The following NTHL1 variants were observed in gnomAD, a reference collection of about 807,000 sequenced individuals.
The protein encoded by NTHL1 is endonuclease III-like protein 1.
Under a neutral mutation model 32.3 loss-of-function variants are expected in NTHL1, and 32 were observed. The ratio of observed to expected loss-of-function variants is 0.99; its 90% CI spans 0.75 to 1.33. The LOEUF (loss-of-function observed/expected upper bound fraction) is 1.33. Among genes scored for constraint, NTHL1 ranks in the 40% most tolerant of loss-of-function variants. NTHL1 has a pLI of 0.00. For synonymous variants in NTHL1, 188 were observed against 176.9 expected (o/e 1.06, Z -0.50); for missense variants, 501 against 414.1 (o/e 1.21, Z -1.82).
In NTHL1 at chr16:2,046,294, G is replaced by A. The variant is rs746458904; in HGVS notation, c.188C>T (p.Ser63Leu). The change falls in exon 2 of 6, where the codon TCG (serine) becomes TTG (leucine). Residue 63 changes from serine to leucine, a missense_variant. Transcript: ENST00000651570. ...AQRLRVAYEG[S>L]DSEKGEGAEP... ...AGCCCCCTCACCTTTCTCACTGTCCGAGCCCTCATAGGCCACACGCAGTCT... is the reference window on the plus strand; with the variant it reads ...AGCCCCCTCACCTTTCTCACTGTCCAAGCCCTCATAGGCCACACGCAGTCT... 53 of 1,613,032 alleles carry A rather than the reference G, an allele frequency of 3.3e-5. No individual in the cohort carries two copies. Among genetic ancestry groups the A allele is most frequent in the African/African-American group, 4.0e-5 (3 of 74,938 alleles).
At chr16:2,041,887 C>T (rs1004255638) in intron 4 of NTHL1, 28 of 373,330 alleles carry the variant, frequency 7.5e-5, no homozygotes, top group African/African-American at 4.0e-4. Flanking sequence ...GGATTACAGG[C>T]GTGAGCCACC....
intron 4 of NTHL1, chr16:2,040,514 C>T: frequency 1.8e-6 from 1 of 543,168 alleles, no homozygotes; most frequent in Non-Finnish European, 3.3e-6. Flanking sequence ...AACACTGGTG[C>T]TAGTTGGATG....
intron 2 of NTHL1, among the ~76,000 whole-genome samples, chr16:2,045,313 G>C (rs2084329921): frequency 6.6e-6 from 1 of 151,996 alleles, no homozygotes; most frequent in South Asian, 2.1e-4. Flanking sequence ...CTCCAGCCTG[G>C]GCAACAAGAG....
chr16:2,044,487 C>A lies in NTHL1; in HGVS notation c.525+143G>T. On this transcript the variant is annotated intron_variant, in intron 3 of 5. Coordinates refer to ENST00000651570, the MANE Select transcript of NTHL1 (RefSeq NM_002528.7). This position sits in a 1 kb window ranked among gnomAD's most constrained non-coding sequence, Gnocchi z 5.0. ...CTGGGCGTCAGGCCTCAGGGCCCCA[C>A]GGCCTGGGGGGGGCTTCAGGGGGAC... 1.9e-6 allele frequency: 2 copies of A among 1,046,476 alleles called. No homozygotes were observed. Among genetic ancestry groups the A allele is most frequent in the Non-Finnish European group, 2.8e-6 (2 of 702,264 alleles). 64.8% of individuals were successfully genotyped at this position (1,046,476 alleles called of 1,614,324 possible).
At chr16:2,040,529 G>C in intron 4 of NTHL1, 2 of 522,122 alleles carry the variant, frequency 3.8e-6, no homozygotes, top group East Asian at 3.4e-5. Flanking sequence ...TGGATGTGTG[G>C]GTGGTGGGGT....
chr16:2,043,533 T>C lies in NTHL1; in HGVS notation c.685+34A>G. ...TGTGGGGAATCCCAAGAGCAGCCAG[T>C]GGGCTGGAGCCAGCCCCGCCCTCCT... On this transcript the variant is annotated intron_variant, in intron 4 of 5. Transcript: ENST00000651570. The surrounding 1 kb of genome is among the most constrained non-coding windows in gnomAD (Gnocchi z 4.4). 1 of 1,599,788 alleles carries C rather than the reference T, an allele frequency of 6.3e-7. No individual in the cohort carries two copies. Among genetic ancestry groups the C allele is most frequent in the South Asian group, 1.1e-5 (1 of 90,988 alleles).
chr16:2,043,921 C>T lies in NTHL1; in HGVS notation c.526-195G>A. ...AGGCCCAAGGTAGGCCTGACCCCCT[C>T]CTCCCACCCGTGTGGGCCAATGATG... On this transcript the variant is annotated intron_variant, in intron 3 of 5. Transcript: ENST00000651570. The surrounding 1 kb of genome is among the most constrained non-coding windows in gnomAD (Gnocchi z 4.4). 1.6e-6 allele frequency: 1 copy of T among 624,028 alleles called. No individual in the cohort carries two copies. The highest frequency in any genetic ancestry group is 1.9e-5 in the South Asian group (1 of 53,756). The allele number at this position is 624,028 out of a possible 1,614,324, so 38.7% of individuals were successfully genotyped here.
rs2084313642 is a variant in NTHL1, at chr16:2,044,496, G to A, written c.525+134C>T. On this transcript the variant is annotated intron_variant, in intron 3 of 5. Coordinates refer to ENST00000651570, the MANE Select transcript of NTHL1 (RefSeq NM_002528.7). This position sits in a 1 kb window ranked among gnomAD's most constrained non-coding sequence, Gnocchi z 5.0. ...AGGCCTCAGGGCCCCACGGCCTGGG[G>A]GGGGCTTCAGGGGGACCCCCCGAGC... The A allele has an allele frequency of 2.6e-6, 3 of 1,149,788 alleles. No homozygotes were observed. Among genetic ancestry groups the A allele is most frequent in the Non-Finnish European group, 3.8e-6 (3 of 788,840 alleles). The allele number at this position is 1,149,788 out of a possible 1,614,324, so 71.2% of individuals were successfully genotyped here.
Position 2,046,146 on chromosome 16 carries a change from G to C in NTHL1, c.336C>G (p.Asp112Glu), listed in dbSNP as rs1186300844. The change falls in exon 2 of 6, where the codon GAC (aspartate) becomes GAG (glutamate). Residue 112 changes from aspartate (D) to glutamate (E), a missense_variant. Asp to Glu is a conservative substitution (Grantham distance 45). Coordinates refer to ENST00000651570, the MANE Select transcript of NTHL1 (RefSeq NM_002528.7). ...VDHLGTEHCYDSSAPPKVRRY... is the reference protein window; with the variant it reads ...VDHLGTEHCYESSAPPKVRRY... Reference sequence around the variant, plus strand: ...TGCCTACCTTTGGGGGGGCACTGGAGTCATAGCAGTGCTCAGTCCCCAGAT... The same window carrying C: ...TGCCTACCTTTGGGGGGGCACTGGACTCATAGCAGTGCTCAGTCCCCAGAT... 2.5e-6 allele frequency: 4 copies of C among 1,612,912 alleles called. No homozygotes were observed. In the Admixed American group the frequency reaches 6.7e-5, roughly 27 times the overall value.
Position 2,039,900 on chromosome 16 carries a change from AC to A in NTHL1, c.*23del. The stretch of plus-strand genomic sequence containing the variant: ...CTTCACAGACGGTGGCCACAGCGGC[AC>A]CTCGGCCAGAGCCATGCGGCCATCA... On this transcript the variant is annotated 3_prime_UTR_variant, in exon 6 of 6. Coordinates refer to ENST00000651570, the MANE Select transcript of NTHL1 (RefSeq NM_002528.7). 1 of 1,598,918 alleles carries A rather than the reference AC, an allele frequency of 6.3e-7. No individual in the cohort carries two copies. Among genetic ancestry groups the A allele is most frequent in the Non-Finnish European group, 8.5e-7 (1 of 1,179,670 alleles).
At chr16:2,045,480 A>T (rs550458592) in intron 2 of NTHL1, among the ~76,000 whole-genome samples, 1 of 151,846 alleles carries the variant, frequency 6.6e-6, no homozygotes, top group Non-Finnish European at 1.5e-5. Flanking sequence ...TCTTTCACCC[A>T]GGCTGAAGTG....
Position 2,043,055 on chromosome 16 carries a change from A to G in NTHL1, c.685+512T>C, listed in dbSNP as rs923350630. 7.3e-6 allele frequency among the ~76,000 whole-genome samples: 1 copy of G among 137,482 alleles called. No homozygotes were observed. The highest frequency in any genetic ancestry group is 2.8e-5 in the African/African-American group (1 of 36,100). 90.2% of individuals were successfully genotyped at this position (137,482 alleles called of 152,430 possible). ...GTCCTTACCTCCCCACTCTGCCCTC[A>G]TCTCATTCCAGAACTTCCTGCTCCT... On this transcript the variant is annotated intron_variant, in intron 4 of 5. Coordinates refer to ENST00000651570, the MANE Select transcript of NTHL1 (RefSeq NM_002528.7). The surrounding 1 kb of genome is among the most constrained non-coding windows in gnomAD (Gnocchi z 4.4).
chr16:2,045,634 G>A (rs765890219), intron 2 of NTHL1, among the ~76,000 whole-genome samples: 59 of 152,068 alleles, frequency 3.9e-4, no homozygotes, highest in Non-Finnish European at 4.6e-4. Flanking sequence ...ACGTGGTTTC[G>A]CCACATTGGC....
chr16:2,040,786 G>A (rs1023827025), intron 4 of NTHL1, among the ~76,000 whole-genome samples: 21 of 152,174 alleles, frequency 1.4e-4, no homozygotes, highest in African/African-American at 5.1e-4. Context: ...CCCCGGAAGG[G>A]TCCATCCAGG....
chr16:2,044,814 G>T lies in NTHL1; in HGVS notation c.355-14C>A. 6.3e-7 allele frequency: 1 copy of T among 1,587,092 alleles called. No individual in the cohort carries two copies. The highest frequency in any genetic ancestry group is 1.1e-5 in the South Asian group (1 of 88,798). On this transcript the variant is annotated splice_polypyrimidine_tract_variant and intron_variant, in intron 2 of 5. Transcript: ENST00000651570. The surrounding 1 kb of genome is among the most constrained non-coding windows in gnomAD (Gnocchi z 5.0). Reference sequence around the variant, plus strand: ...GTACCTGCGTACCTGCTTGTGCAGTGACAGGGACCGGGGTGGCGGCGGGTC... The same window carrying T: ...GTACCTGCGTACCTGCTTGTGCAGTTACAGGGACCGGGGTGGCGGCGGGTC...
At chr16:2,047,327 C>G (rs2084474262) in intron 1 of NTHL1, 1 of 288,980 alleles carries the variant, frequency 3.5e-6, no homozygotes. Flanking sequence ...CTCCCCCGAG[C>G]TGGGGGAGCA....
At chr16:2,041,326 C>A (rs908601860) in intron 4 of NTHL1, among the ~76,000 whole-genome samples, 1 of 152,212 alleles carries the variant, frequency 6.6e-6, no homozygotes. Flanking sequence ...CAGTGAATGA[C>A]GAGGACTGCC....
chr16:2,042,269 C>T, intron 4 of NTHL1: 4 of 361,620 alleles, frequency 1.1e-5, no homozygotes, highest in Non-Finnish European at 2.2e-5. Flanking sequence ...TGCAGCACCC[C>T]AGGGACACGG....
rs1397440217 is a variant in NTHL1 at position 2,044,782 on chromosome 16, G to T, written c.373C>A (p.Leu125Met). ...APPKVRRYQV[L>M]LSLMLSSQTK... ...TGGCTGGAGAGCATCAGTGACAGCA[G>T]CACCTGGTACCTGCGTACCTGCTTG... Residue 125 changes from leucine (L) to methionine (M), a missense_variant, in exon 3 of 6, where the codon CTG becomes ATG. Coordinates refer to ENST00000651570, the MANE Select transcript of NTHL1 (RefSeq NM_002528.7). The surrounding 1 kb of genome is among the most constrained non-coding windows in gnomAD (Gnocchi z 5.0). 1 of 1,609,262 alleles carries T rather than the reference G, an allele frequency of 6.2e-7. No homozygotes were observed. Among genetic ancestry groups the T allele is most frequent in the African/African-American group, 1.3e-5 (1 of 74,882 alleles).
Sources: gnomAD v4.1 joint callset for allele counts (sites outside exome capture counted in the v4.1 genomes callset) on GRCh38, gnomAD v4.1.1 for gene constraint, Gnocchi (gnomAD v3.1) non-coding constraint, MANE v1.5 for transcripts, NCBI Gene and HGNC (gene_info 2026-07-23, HGNC 2026-07-21) for gene names.